PCDHGA2: variants seen among roughly 807,000 people sequenced by gnomAD.
PCDHGA2 encodes protocadherin gamma subfamily A, 2.
Under a neutral mutation model 59.2 loss-of-function variants are expected in PCDHGA2, and 40 were observed. The observed-to-expected ratio is 0.68, with a 90% CI of 0.52 to 0.88. The LOEUF is 0.88. PCDHGA2 is among the 40% of genes least tolerant of loss of function. PCDHGA2 has a pLI of 0.00. For synonymous variants in PCDHGA2, 560 were observed against 526.0 expected (o/e 1.06, Z -0.89); for missense variants, 1,226 against 1,204.0 (o/e 1.02, Z -0.27).
intron 3 of PCDHGA2, among the ~76,000 whole-genome samples, chr5:141,507,898 C>T (rs577177417): frequency 1.3e-5 from 2 of 152,310 alleles, no homozygotes; most frequent in East Asian, 1.9e-4. Flanking sequence ...TTCCTGAAGT[C>T]CAGCCCAGCC....
At position 141,490,870 on chromosome 5, in the gene PCDHGA2, T is replaced by C; in HGVS notation, c.2425-3937T>C. Reference sequence around the variant, plus strand: ...GGTTCGAGACTCCGGCTCTCCCCCATTGCATGCCAACACATCTCTGCATGT... The same window carrying C: ...GGTTCGAGACTCCGGCTCTCCCCCACTGCATGCCAACACATCTCTGCATGT... On this transcript the variant is annotated intron_variant, in intron 1 of 3. Coordinates refer to ENST00000394576, the MANE Select transcript of PCDHGA2 (RefSeq NM_018915.4). The surrounding 1 kb of genome is among the most constrained non-coding windows in gnomAD (Gnocchi z 5.4). 6.2e-7 allele frequency: 1 copy of C among 1,613,888 alleles called. No homozygotes were observed. Among genetic ancestry groups the C allele is most frequent in the Non-Finnish European group, 8.5e-7 (1 of 1,179,932 alleles).
At chr5:141,427,306 A>G (rs1023837851) in intron 1 of PCDHGA2, 6 of 456,826 alleles carry the variant, frequency 1.3e-5, no homozygotes, top group African/African-American at 1.2e-4. Flanking sequence ...GAGAATGACA[A>G]TGCCCCAGAC....
Position 141,431,674 on chromosome 5 carries a change from G to T in PCDHGA2, c.2425-63133G>T. 6.2e-7 allele frequency: 1 copy of T among 1,614,234 alleles called. No homozygotes were observed. ...ATTCAGGGACAATATCAACAATAGG[G>T]GAGTTGGACCACGAGGAGTCAGGAT... is the stretch of plus-strand genomic sequence containing the variant. On this transcript the variant is annotated intron_variant, in intron 1 of 3. Transcript: ENST00000394576. This position sits in a 1 kb window ranked among gnomAD's most constrained non-coding sequence, Gnocchi z 4.8.
chr5:141,490,726 AATCAGG>A lies in PCDHGA2; in HGVS notation c.2425-4080_2425-4075del. The A allele has an allele frequency of 6.2e-7, 1 of 1,614,202 alleles. No homozygotes were observed. The highest frequency in any genetic ancestry group is 8.5e-7 in the Non-Finnish European group (1 of 1,180,032). On this transcript the variant is annotated intron_variant, in intron 1 of 3. Transcript: ENST00000394576. This position sits in a 1 kb window ranked among gnomAD's most constrained non-coding sequence, Gnocchi z 5.4. Reference sequence around the variant, plus strand: ...CCGCCTCACCTACTCCATTGTAGGAAATCAGGTTCAGGGAGCCCCAGCCTCCTCCTT... The same window carrying A: ...CCGCCTCACCTACTCCATTGTAGGAATTCAGGGAGCCCCAGCCTCCTCCTT...
chr5:141,352,305 C>A, intron 1 of PCDHGA2: 3 of 1,614,070 alleles, frequency 1.9e-6, no homozygotes, highest in East Asian at 2.2e-5. Context: ...GACCCCCAGA[C>A]GGAACTGCAG....
At chr5:141,458,103 T>TA (rs1401283935) in intron 1 of PCDHGA2, among the ~76,000 whole-genome samples, 2 of 152,212 alleles carry the variant, frequency 1.3e-5, no homozygotes, top group Non-Finnish European at 2.9e-5. Context: ...TACTTACAGA[T>TA]AGTCTCCAAA....
intron 1 of PCDHGA2, among the ~76,000 whole-genome samples, chr5:141,373,439 C>T (rs9324846): frequency 0.027 from 4,173 of 152,294 alleles, 185 homozygotes; most frequent in African/African-American, 0.096. Context: ...GGGAGGATCC[C>T]TTGATCCCAG....
intron 1 of PCDHGA2, among the ~76,000 whole-genome samples, chr5:141,445,814 T>C (rs1554133709): frequency 6.6e-6 from 1 of 152,182 alleles, no homozygotes; most frequent in Non-Finnish European, 1.5e-5. Context: ...TAGATGAAAC[T>C]AATAAGGCAG....
chr5:141,452,888 C>T (rs62379168), intron 1 of PCDHGA2, among the ~76,000 whole-genome samples: 13,856 of 152,130 alleles, frequency 0.091, 849 homozygotes, highest in African/African-American at 0.17. Flanking sequence ...TAATTTATTC[C>T]ACTTTTATTA....
intron 1 of PCDHGA2, chr5:141,398,508 T>C: frequency 6.2e-7 from 1 of 1,601,476 alleles, no homozygotes; most frequent in Admixed American, 1.7e-5. Context: ...AGGACATTAA[T>C]GACCACACGC....
intron 1 of PCDHGA2, chr5:141,344,094 G>C (rs1253860852): frequency 6.2e-7 from 1 of 1,613,658 alleles, no homozygotes; most frequent in African/African-American, 1.3e-5. Flanking sequence ...CGCGCTCCTG[G>C]GGACGCTGTG....
chr5:141,350,921 G>C, intron 1 of PCDHGA2: 3 of 1,614,062 alleles, frequency 1.9e-6, no homozygotes, highest in South Asian at 1.1e-5. Flanking sequence ...GCCTCTAAGC[G>C]GCACCACCCA....
chr5:141,417,683 A>AAG lies in PCDHGA2; in HGVS notation c.2424+76289_2424+76290insGA, dbSNP rs201105096. 3.0e-3 allele frequency: 3,154 copies of AAG among 1,038,272 alleles called. 110 individuals carry two copies. In the East Asian group the frequency reaches 0.071, roughly 24 times the overall value. The allele number at this position is 1,038,272 out of a possible 1,614,324, so 64.3% of individuals were successfully genotyped here. The stretch of plus-strand genomic sequence containing the variant: ...GATTCCCTGCGCAGCCAACAACAGA[A>AAG]AAGAAAACCAGCTCCCACACAGAGG... On this transcript the variant is annotated intron_variant, in intron 1 of 3. Transcript: ENST00000394576.
intron 1 of PCDHGA2, chr5:141,361,024 A>G: frequency 6.2e-7 from 1 of 1,613,350 alleles, no homozygotes; most frequent in Non-Finnish European, 8.5e-7. Context: ...CTTAAATGAA[A>G]AAACAGGAGA....
chr5:141,466,969 C>T (rs2099133068), intron 1 of PCDHGA2, among the ~76,000 whole-genome samples: 1 of 152,068 alleles, frequency 6.6e-6, no homozygotes, highest in African/African-American at 2.4e-5. Flanking sequence ...TATTTTCTCA[C>T]AGCTCATCAT....
At chr5:141,360,843 C>G (rs910664589) in intron 1 of PCDHGA2, 1 of 1,613,956 alleles carries the variant, frequency 6.2e-7, no homozygotes. Flanking sequence ...CGGATGCCAA[C>G]GATAACCCTC....
At chr5:141,410,191 C>G in intron 1 of PCDHGA2, 2 of 1,613,994 alleles carry the variant, frequency 1.2e-6, no homozygotes, top group Non-Finnish European at 1.7e-6. Context: ...TTCATCTGGT[C>G]TTCGCAGACA....
Position 141,418,952 on chromosome 5 carries a change from G to C in PCDHGA2, c.2425-75855G>C, listed in dbSNP as rs1377467334. On this transcript the variant is annotated intron_variant, in intron 1 of 3. Coordinates refer to ENST00000394576, the MANE Select transcript of PCDHGA2 (RefSeq NM_018915.4). ...TATGGAGGATTCCCCTCCAGGAGTG[G>C]TTGTTGCCCTCTTCAAAACACGGGA... 4.3e-6 allele frequency: 7 copies of C among 1,613,932 alleles called. No individual in the cohort carries two copies. Among genetic ancestry groups the C allele is most frequent in the Non-Finnish European group, 5.9e-6 (7 of 1,179,908 alleles).
At chr5:141,494,972 C>A in intron 2 of PCDHGA2, 107 bp downstream of exon 2, 1 of 1,581,852 alleles carries the variant, frequency 6.3e-7, no homozygotes, top group South Asian at 1.1e-5. Flanking sequence ...TGGCTTCTCC[C>A]TCAGTTTGAG....
Sources: allele counts gnomAD v4.1 joint callset (sites outside exome capture counted in the v4.1 genomes callset), GRCh38; gene constraint gnomAD v4.1.1; non-coding constraint Gnocchi (gnomAD v3.1); transcripts MANE v1.5; gene names NCBI Gene and HGNC (gene_info 2026-07-23, HGNC 2026-07-21).